The following GTF2IRD1 variants were observed in gnomAD, a reference collection of about 807,000 sequenced individuals.
The protein encoded by GTF2IRD1 is general transcription factor II-I repeat domain-containing protein 1.
In GTF2IRD1, 26 loss-of-function variants were observed where a neutral mutation model predicts 113.2. That is an observed-to-expected ratio of 0.23 (90% CI 0.17 to 0.32). The LOEUF (loss-of-function observed/expected upper bound fraction) is 0.32, where lower values mean the gene tolerates loss of function less well. Among genes scored for constraint, GTF2IRD1 ranks in the 10% least tolerant of loss-of-function variants. The pLI, the probability that GTF2IRD1 is intolerant of heterozygous loss-of-function variation, is 1.00. For synonymous variants in GTF2IRD1, 484 were observed against 529.1 expected (o/e 0.91, Z 1.17); for missense variants, 864 against 1,280.8 (o/e 0.67, Z 4.97).
At chr7:74,583,205 T>C (rs1801520120) in intron 22 of GTF2IRD1, among the ~76,000 whole-genome samples, 1 of 151,936 alleles carries the variant, frequency 6.6e-6, no homozygotes, top group South Asian at 2.1e-4. Flanking sequence ...GGTTGTTTGT[T>C]TGAAACAGGA....
At chr7:74,594,496 C>A (rs1381083697) in intron 24 of GTF2IRD1, among the ~76,000 whole-genome samples, 3 of 152,176 alleles carry the variant, frequency 2.0e-5, no homozygotes, top group Admixed American at 1.3e-4. Flanking sequence ...ACAGCAGACC[C>A]AGAGGAAAGA....
At chr7:74,585,886 AAAAAAAAAAG>A (rs1554367602) in intron 22 of GTF2IRD1, among the ~76,000 whole-genome samples, 1 of 149,342 alleles carries the variant, frequency 6.7e-6, no homozygotes, top group Non-Finnish European at 1.5e-5. Context: ...GACTCTTCCA[AAAAAAAAAAG>A]AAAAAGAAAG....
In GTF2IRD1 at chr7:74,555,501, T is replaced by C; in HGVS notation, c.2023+7T>C. 1 of 1,570,808 alleles carries C rather than the reference T, an allele frequency of 6.4e-7. No homozygotes were observed. ...AAGAGACAGGGCTTTCAAGGTAAGG[T>C]TGAGCTCACGGGGAGGTCTGTTGTC... On this transcript the variant is annotated splice_region_variant and intron_variant, in intron 19 of 26. Transcript: ENST00000424337. The surrounding 1 kb of genome is among the most constrained non-coding windows in gnomAD (Gnocchi z 5.3).
At chr7:74,560,885 G>C (rs1799915906) in intron 22 of GTF2IRD1, among the ~76,000 whole-genome samples, 1 of 151,860 alleles carries the variant, frequency 6.6e-6, no homozygotes, top group Non-Finnish European at 1.5e-5. Context: ...CCGACCTCCT[G>C]ACCCTTTTTA....
At chr7:74,507,985 C>T (rs1417866806) in intron 1 of GTF2IRD1, 90 bp from the exon 2 acceptor site, 14 of 1,430,636 alleles carry the variant, frequency 9.8e-6, no homozygotes, top group Middle Eastern at 2.4e-4. Flanking sequence ...CTTGGGAGTC[C>T]GGGGGTCAGG....
chr7:74,518,123 G>T lies in GTF2IRD1; in HGVS notation c.422-16G>T. ...CCCTCTCATACCAGGCCCCTCTCCT[G>T]GACTCTCCCCTACAGGCGAGGCCCT... On this transcript the variant is annotated splice_polypyrimidine_tract_variant and intron_variant, in intron 4 of 26. Coordinates refer to ENST00000424337, the MANE Select transcript of GTF2IRD1 (RefSeq NM_005685.4). 2 of 1,517,250 alleles carry T rather than the reference G, an allele frequency of 1.3e-6. No homozygotes were observed. Among genetic ancestry groups the T allele is most frequent in the Non-Finnish European group, 1.8e-6 (2 of 1,128,946 alleles). 94.0% of individuals were successfully genotyped at this position (1,517,250 alleles called of 1,614,324 possible).
chr7:74,500,536 C>T (rs1356226028), intron 1 of GTF2IRD1, among the ~76,000 whole-genome samples: 1 of 152,030 alleles, frequency 6.6e-6, no homozygotes, highest in Non-Finnish European at 1.5e-5. Flanking sequence ...AGTGACCCTC[C>T]CCAGCCAGCG....
intron 23 of GTF2IRD1, 39 bp downstream of exon 23, chr7:74,589,967 C>G: frequency 7.3e-7 from 1 of 1,370,928 alleles, no homozygotes; most frequent in South Asian, 1.2e-5. Context: ...CCAAGCCCTC[C>G]TCCCGGGGGT....
intron 1 of GTF2IRD1, among the ~76,000 whole-genome samples, chr7:74,488,737 G>A (rs1376070398): frequency 1.3e-5 from 2 of 152,076 alleles, no homozygotes; most frequent in East Asian, 3.9e-4. Context: ...CTGCACTCCA[G>A]CCTGGGTGAC....
intron 1 of GTF2IRD1, among the ~76,000 whole-genome samples, chr7:74,459,900 G>A (rs1554328621): frequency 1.3e-5 from 2 of 152,046 alleles, no homozygotes; most frequent in African/African-American, 4.8e-5. Context: ...TTGGGATCAG[G>A]GCTCAGTGGA....
At chr7:74,577,519 C>T (rs762759499) in intron 22 of GTF2IRD1, among the ~76,000 whole-genome samples, 1 of 152,188 alleles carries the variant, frequency 6.6e-6, no homozygotes, top group African/African-American at 2.4e-5. Flanking sequence ...TACATACTCA[C>T]AATAGCATCA....
chr7:74,518,381 CG>C (rs1797081030), intron 5 of GTF2IRD1, 59 bp downstream of exon 5: 1 of 1,412,992 alleles, frequency 7.1e-7, no homozygotes, highest in Non-Finnish European at 9.6e-7. Flanking sequence ...GGGTCAGGGC[CG>C]GGGGCTGGAG....
intron 22 of GTF2IRD1, among the ~76,000 whole-genome samples, chr7:74,580,512 G>A (rs1435575207): frequency 6.6e-6 from 1 of 152,120 alleles, no homozygotes; most frequent in Non-Finnish European, 1.5e-5. Context: ...GGCACCACCC[G>A]AGCCAGTTGG....
chr7:74,458,483 C>T (rs1385608040), intron 1 of GTF2IRD1, among the ~76,000 whole-genome samples: 1 of 152,050 alleles, frequency 6.6e-6, no homozygotes, highest in Non-Finnish European at 1.5e-5. Flanking sequence ...TCTACCCAGG[C>T]TCCATACTCC....
chr7:74,495,402 C>A lies in GTF2IRD1; in HGVS notation c.-6-12673C>A, dbSNP rs143746269. 9.1e-3 allele frequency among the ~76,000 whole-genome samples: 1,380 copies of A among 152,332 alleles called. 16 individuals carry two copies. Among genetic ancestry groups the A allele is most frequent in the African/African-American group, 0.032 (1,318 of 41,574 alleles). ...CACGGACGTCACACCCCATCGGGCT[C>A]CCTTGTGCCTTAGTGCCTTTGCCTG... is the stretch of plus-strand genomic sequence containing the variant. On this transcript the variant is annotated intron_variant, in intron 1 of 26. Coordinates refer to ENST00000424337, the MANE Select transcript of GTF2IRD1 (RefSeq NM_005685.4).
chr7:74,555,114 C>G lies in GTF2IRD1; in HGVS notation c.1917-60C>G. 8 of 1,501,754 alleles carry G rather than the reference C, an allele frequency of 5.3e-6. No homozygotes were observed. Among genetic ancestry groups the G allele is most frequent in the Non-Finnish European group, 7.4e-6 (8 of 1,086,146 alleles). The allele number at this position is 1,501,754 out of a possible 1,614,324, so 93.0% of individuals were successfully genotyped here. A position where few individuals can be genotyped will look rare whatever the true frequency, so the allele number is the denominator to read the frequency against. ...GTAGACTGAGGCCCAGAGAGGAGGG[C>G]TGAGCAGTCCCAGAGATGCTTGGAG... On this transcript the variant is annotated intron_variant, in intron 17 of 26. Transcript: ENST00000424337. The surrounding 1 kb of genome is among the most constrained non-coding windows in gnomAD (Gnocchi z 5.3).
chr7:74,564,422 C>T (rs781959384), intron 22 of GTF2IRD1, among the ~76,000 whole-genome samples: 4 of 152,146 alleles, frequency 2.6e-5, no homozygotes, highest in Non-Finnish European at 5.9e-5. Flanking sequence ...GGTGAGAGTA[C>T]AGCCACTCCT....
At chr7:74,582,952 T>G (rs1168223132) in intron 22 of GTF2IRD1, among the ~76,000 whole-genome samples, 1 of 151,594 alleles carries the variant, frequency 6.6e-6, no homozygotes, top group Non-Finnish European at 1.5e-5. Flanking sequence ...CACTCCAGCC[T>G]GAATGACAGC....
At position 74,602,390 on chromosome 7, in the gene GTF2IRD1, A is replaced by G. The variant is rs1554374412; in HGVS notation, c.2792A>G (p.Tyr931Cys). 6.2e-7 allele frequency: 1 copy of G among 1,613,610 alleles called. No homozygotes were observed. Among genetic ancestry groups the G allele is most frequent in the South Asian group, 1.1e-5 (1 of 91,074 alleles). Residue 931 changes from tyrosine (Y) to cysteine (C), a missense_variant, in exon 27 of 27, where the codon TAT becomes TGT. This residue lies in a region of GTF2IRD1 where 18 missense variants were observed against 35.7 expected (regional missense o/e 0.50). Coordinates refer to ENST00000424337, the MANE Select transcript of GTF2IRD1 (RefSeq NM_005685.4). ...LVQWPMYMVD[Y>C]AGLNVQLPGP... The stretch of plus-strand genomic sequence containing the variant: ...CAATGGCCAATGTACATGGTGGACT[A>G]TGCCGGCCTGAACGTGCAGCTCCCG...
Sources: gnomAD v4.1 joint callset for allele counts (sites outside exome capture counted in the v4.1 genomes callset) on GRCh38, gnomAD v4.1.1 for gene constraint, gnomAD v4.1.1 regional missense constraint, Gnocchi (gnomAD v3.1) non-coding constraint, MANE v1.5 for transcripts, NCBI Gene and HGNC (gene_info 2026-07-23, HGNC 2026-07-21) for gene names.